Variants in NAV3 observed in about 807,000 individuals in gnomAD.
The protein encoded by NAV3 is pore membrane and/or filament interacting like protein 1.
Under a neutral mutation model 244.7 loss-of-function variants are expected in NAV3, and 87 were observed. The observed-to-expected ratio is 0.36, with a 90% CI of 0.30 to 0.42. The LOEUF (loss-of-function observed/expected upper bound fraction) is 0.42, where lower values mean the gene tolerates loss of function less well. Among genes scored for constraint, NAV3 ranks in the 20% least tolerant of loss-of-function variants. The probability of loss-of-function intolerance (pLI) is 1.00; values close to 1 mark genes in which losing one functional copy is unlikely to be tolerated. For missense variants in NAV3, 2,663 were observed against 2,893.3 expected (o/e 0.92, Z 1.83); for synonymous variants, 1,126 against 1,042.2 (o/e 1.08, Z -1.55).
intron 19 of NAV3, 51 bp downstream of exon 19, chr12:78,137,416 A>T: frequency 1.3e-6 from 2 of 1,516,750 alleles, no homozygotes; most frequent in Non-Finnish European, 1.8e-6. Context: ...AAACCCTGAG[A>T]GGGAAACCAT....
intron 2 of NAV3, among the ~76,000 whole-genome samples, chr12:77,810,134 A>AT (rs900913672): frequency 1.3e-4 from 19 of 151,990 alleles, no homozygotes; most frequent in East Asian, 5.8e-4. Flanking sequence ...TAGTTTACAC[A>AT]TTTTTTTGTA....
intron 2 of NAV3, among the ~76,000 whole-genome samples, chr12:77,721,029 T>G (rs1464842723): frequency 6.6e-6 from 1 of 152,166 alleles, no homozygotes; most frequent in Admixed American, 6.6e-5. Flanking sequence ...TTTATTTGTT[T>G]GCTTATTTTT....
intron 8 of NAV3, among the ~76,000 whole-genome samples, chr12:78,019,625 C>T (rs1876816688): frequency 6.6e-6 from 1 of 152,052 alleles, no homozygotes; most frequent in Non-Finnish European, 1.5e-5. Flanking sequence ...AAGGAATCAA[C>T]TGGATGAAGT....
chr12:77,820,779 T>C (rs543126004), intron 2 of NAV3, among the ~76,000 whole-genome samples: 75 of 152,264 alleles, frequency 4.9e-4, no homozygotes, highest in Admixed American at 1.8e-3. Context: ...AAGCAGATAT[T>C]AATAATGTAT....
At chr12:77,617,119 T>C (rs1395746257) in intron 2 of NAV3, among the ~76,000 whole-genome samples, 1 of 152,238 alleles carries the variant, frequency 6.6e-6, no homozygotes, top group Non-Finnish European at 1.5e-5. Context: ...GGAAGCTCTT[T>C]GGACGGCTGA....
chr12:77,859,758 C>CAAAAAAA lies in NAV3; in HGVS notation c.243+28070_243+28076dup, dbSNP rs61516625. On this transcript the variant is annotated intron_variant, in intron 1 of 39. Transcript: ENST00000397909. ...CAAGCATTTCCCATGCTTTCAAATG[C>CAAAAAAA]AAAAAAAAAAAAAAAAAAAAAAGAC... is the stretch of plus-strand genomic sequence containing the variant. Among the ~76,000 whole-genome samples, 429 of 68,518 alleles carry CAAAAAAA rather than the reference C, an allele frequency of 6.3e-3. 15 individuals are homozygous for CAAAAAAA. The highest frequency in any genetic ancestry group is 0.026 in the Admixed American group (118 of 4,518). The allele number at this position is 68,518 out of a possible 152,430, so 45.0% of individuals were successfully genotyped here.
At chr12:77,618,913 A>G (rs1298171213) in intron 2 of NAV3, among the ~76,000 whole-genome samples, 2 of 152,204 alleles carry the variant, frequency 1.3e-5, no homozygotes, top group Non-Finnish European at 2.9e-5. Flanking sequence ...CAAAGGGCTT[A>G]TGTTTCTTTC....
rs79504614 is a variant in NAV3 at position 77,612,457 on chromosome 12, C to T, written c.72+40191C>T. On this transcript the variant is annotated intron_variant, in intron 2 of 8. Transcript: ENST00000550042. ...TGCTTTGCACTTTTCAGTCTTTTGT[C>T]CTCAGAATTAGTGTTTCCTTACACA... 3.8e-3 allele frequency among the ~76,000 whole-genome samples: 578 copies of T among 152,196 alleles called. 5 individuals carry two copies. Among genetic ancestry groups the T allele is most frequent in the African/African-American group, 0.013 (555 of 41,550 alleles).
At chr12:77,593,995 CTTAATT>C (rs1475174640) in intron 2 of NAV3, among the ~76,000 whole-genome samples, 5 of 152,240 alleles carry the variant, frequency 3.3e-5, no homozygotes, top group African/African-American at 1.2e-4. Context: ...AACTTTTGAA[CTTAATT>C]TTACTTAATA....
At chr12:78,009,470 A>AG (rs1566015611) in intron 8 of NAV3, among the ~76,000 whole-genome samples, 9 of 148,442 alleles carry the variant, frequency 6.1e-5, no homozygotes, top group East Asian at 3.9e-4. Context: ...AAAAAAAAAA[A>AG]AGAGAAAAAA....
intron 12 of NAV3, among the ~76,000 whole-genome samples, chr12:78,108,932 C>A (rs140283455): frequency 6.6e-6 from 1 of 151,884 alleles, no homozygotes; most frequent in Admixed American, 6.6e-5. Context: ...AACCCAAAAT[C>A]AGCAGAAGAA....
chr12:78,071,533 T>G (rs1022827919), intron 12 of NAV3, among the ~76,000 whole-genome samples: 1 of 152,180 alleles, frequency 6.6e-6, no homozygotes, highest in African/African-American at 2.4e-5. Context: ...TAGTTTCTTT[T>G]GCTGTGCAGA....
chr12:78,018,126 T>C (rs902347599), intron 8 of NAV3, among the ~76,000 whole-genome samples: 9 of 152,126 alleles, frequency 5.9e-5, no homozygotes, highest in Admixed American at 5.2e-4. Context: ...ATCACTCATG[T>C]AGGGAATTTG....
chr12:78,064,426 TCTGCCTGC>T lies in NAV3; in HGVS notation c.2636+5343_2636+5350del, dbSNP rs1555273018. Reference sequence around the variant, plus strand: ...GTCTGTCTGTCTGTCTGTCTGTCTGTCTGCCTGCCTGCCTGCCTGCCTGCCTGCCTGCC... The same window carrying T: ...GTCTGTCTGTCTGTCTGTCTGTCTGTCTGCCTGCCTGCCTGCCTGCCTGCC... On this transcript the variant is annotated intron_variant, in intron 12 of 39. Coordinates refer to ENST00000397909, the MANE Select transcript of NAV3 (RefSeq NM_001024383.2). 1.3e-3 allele frequency among the ~76,000 whole-genome samples: 173 copies of T among 136,280 alleles called. 1 individual carries two copies. The highest frequency in any genetic ancestry group is 3.1e-3 in the African/African-American group (115 of 36,730). The allele number at this position is 136,280 out of a possible 152,430, so 89.4% of individuals were successfully genotyped here.
chr12:78,161,096 T>C (rs1481897099), intron 23 of NAV3, among the ~76,000 whole-genome samples: 1 of 152,130 alleles, frequency 6.6e-6, no homozygotes. Flanking sequence ...CCCAGTATTC[T>C]TGAATGAGAA....
chr12:77,683,265 G>C (rs1290348120), intron 2 of NAV3, among the ~76,000 whole-genome samples: 1 of 152,066 alleles, frequency 6.6e-6, no homozygotes, highest in South Asian at 2.1e-4. Context: ...ATTTATTAAA[G>C]ATACTGTCTT....
chr12:78,194,603 A>T (rs300500), intron 34 of NAV3, among the ~76,000 whole-genome samples: 85,432 of 151,826 alleles, frequency 0.56, 24,507 homozygotes, highest in East Asian at 0.84. Context: ...ACCACATGTT[A>T]AATCACCATT....
chr12:77,617,226 CTG>C (rs894485340), intron 2 of NAV3, among the ~76,000 whole-genome samples: 15 of 152,074 alleles, frequency 9.9e-5, no homozygotes, highest in African/African-American at 3.4e-4. Flanking sequence ...GTTTTGATAA[CTG>C]TAGTAGCCAG....
intron 2 of NAV3, among the ~76,000 whole-genome samples, chr12:77,640,241 G>A (rs191443643): frequency 6.6e-6 from 1 of 151,596 alleles, no homozygotes; most frequent in African/African-American, 2.4e-5. Flanking sequence ...ACATACAGCA[G>A]AGAGAGAGAG....
Sources: allele counts gnomAD v4.1 joint callset (sites outside exome capture counted in the v4.1 genomes callset), GRCh38; gene constraint gnomAD v4.1.1; transcripts MANE v1.5; gene names NCBI Gene and HGNC (gene_info 2026-07-23, HGNC 2026-07-21).